CCDC192: variants seen among roughly 807,000 people sequenced by gnomAD.
CCDC192 encodes coiled-coil domain containing 192, also known as coiled-coil domain-containing protein 192.
At chr5:127,924,841 A>G (rs914230625) in intron 6 of CCDC192, among the ~76,000 whole-genome samples, 6 of 152,186 alleles carry the variant, frequency 3.9e-5, no homozygotes, top group African/African-American at 1.4e-4. Context: ...TAGTAAAATG[A>G]CATGGAGTAG....
At chr5:127,930,966 C>T (rs1040065511) in intron 6 of CCDC192, among the ~76,000 whole-genome samples, 1 of 152,238 alleles carries the variant, frequency 6.6e-6, no homozygotes, top group Non-Finnish European at 1.5e-5. Flanking sequence ...CCTGTGCTAG[C>T]AAAGATGTGT....
chr5:127,901,872 T>C (rs1005875913), intron 6 of CCDC192, among the ~76,000 whole-genome samples: 4 of 152,280 alleles, frequency 2.6e-5, no homozygotes, highest in African/African-American at 7.2e-5. Context: ...TAAGATCTTT[T>C]AAATTTCAGT....
At chr5:127,848,078 AT>A (rs199865594) in intron 5 of CCDC192, among the ~76,000 whole-genome samples, 3 of 149,222 alleles carry the variant, frequency 2.0e-5, no homozygotes, top group Admixed American at 6.7e-5. Flanking sequence ...GATTACAGTG[AT>A]TTTTTTTTTA....
chr5:127,881,432 TC>T (rs1245979307), intron 6 of CCDC192, among the ~76,000 whole-genome samples: 1 of 152,250 alleles, frequency 6.6e-6, no homozygotes, highest in Non-Finnish European at 1.5e-5. Flanking sequence ...GTGTGATTTT[TC>T]CTTGCTTGGT....
intron 5 of CCDC192, among the ~76,000 whole-genome samples, chr5:127,831,892 C>A (rs1394391165): frequency 6.6e-6 from 1 of 151,336 alleles, no homozygotes; most frequent in African/African-American, 2.4e-5. Context: ...CAAGGAAAAT[C>A]AAAACATTAA....
At chr5:127,819,257 A>G (rs1296639716) in intron 5 of CCDC192, among the ~76,000 whole-genome samples, 3 of 152,156 alleles carry the variant, frequency 2.0e-5, no homozygotes, top group African/African-American at 7.2e-5. Context: ...ACTTTCCCTC[A>G]AGAGATGCCT....
At chr5:127,764,282 T>C (rs1755090131) in intron 3 of CCDC192, among the ~76,000 whole-genome samples, 1 of 152,172 alleles carries the variant, frequency 6.6e-6, no homozygotes, top group African/African-American at 2.4e-5. Context: ...TAGGCTCTTA[T>C]AAAAATCCAG....
chr5:127,761,607 C>A (rs1474907667), intron 3 of CCDC192, among the ~76,000 whole-genome samples: 4 of 152,060 alleles, frequency 2.6e-5, no homozygotes, highest in Non-Finnish European at 5.9e-5. Flanking sequence ...AACAATAAAA[C>A]CTAAGGCCAA....
chr5:127,915,070 G>A (rs1753480799), intron 6 of CCDC192, among the ~76,000 whole-genome samples: 2 of 152,088 alleles, frequency 1.3e-5, no homozygotes, highest in South Asian at 4.1e-4. Context: ...ATAACTCAGA[G>A]ATATTGCAGG....
At position 127,834,096 on chromosome 5, in the gene CCDC192, C is replaced by T. The variant is rs1190466142; in HGVS notation, c.411+35934C>T. On this transcript the variant is annotated intron_variant, in intron 5 of 6. Coordinates refer to ENST00000514853, the MANE Select transcript of CCDC192 (RefSeq NM_001317938.2). ...CAGGACATAAATTGGTAAAGGTGTTCTTACTCCCCTCTCTGCCCAAATAAC... is the reference window on the plus strand; with the variant it reads ...CAGGACATAAATTGGTAAAGGTGTTTTTACTCCCCTCTCTGCCCAAATAAC... Among the ~76,000 whole-genome samples, 5 of 152,112 alleles carry T rather than the reference C, an allele frequency of 3.3e-5. No homozygotes were observed. The East Asian group carries it at 9.6e-4, about 29-fold the overall frequency.
chr5:127,939,110 C>T (rs199855960), intron 6 of CCDC192, among the ~76,000 whole-genome samples: 11 of 83,650 alleles, frequency 1.3e-4, no homozygotes, highest in African/African-American at 2.2e-4. Context: ...AAACCAACAT[C>T]TTTTTTTTTT....
At chr5:127,720,715 C>T (rs547597292) in intron 2 of CCDC192, among the ~76,000 whole-genome samples, 114 of 152,362 alleles carry the variant, frequency 7.5e-4, no homozygotes, top group African/African-American at 2.6e-3. Context: ...TCCATACATT[C>T]CTTGAAATCT....
At chr5:127,857,456 T>C (rs1751149404) in intron 5 of CCDC192, among the ~76,000 whole-genome samples, 1 of 152,224 alleles carries the variant, frequency 6.6e-6, no homozygotes, top group African/African-American at 2.4e-5. Context: ...TACCTGGTGT[T>C]CCTGGATTCA....
chr5:127,911,506 A>G (rs2127177044), intron 6 of CCDC192, among the ~76,000 whole-genome samples: 1 of 152,274 alleles, frequency 6.6e-6, no homozygotes, highest in East Asian at 1.9e-4. Flanking sequence ...CATGTATTAT[A>G]TTCTTCTCAG....
At chr5:127,752,588 G>A (rs1754264508) in intron 2 of CCDC192, among the ~76,000 whole-genome samples, 2 of 151,930 alleles carry the variant, frequency 1.3e-5, no homozygotes, top group African/African-American at 4.8e-5. Context: ...CCTGCCCCCA[G>A]AGGTGGAGCC....
intron 3 of CCDC192, among the ~76,000 whole-genome samples, chr5:127,768,416 A>G (rs771016160): frequency 1.7e-4 from 26 of 152,210 alleles, no homozygotes; most frequent in Non-Finnish European, 3.2e-4. Context: ...TTCTGCAAGC[A>G]AATGAATGCC....
At chr5:127,844,632 G>T (rs1442678508) in intron 5 of CCDC192, among the ~76,000 whole-genome samples, 4 of 152,178 alleles carry the variant, frequency 2.6e-5, no homozygotes, top group African/African-American at 9.7e-5. Flanking sequence ...AGAGACAAAG[G>T]GTGAGGAGAC....
intron 6 of CCDC192, among the ~76,000 whole-genome samples, chr5:127,915,757 G>A (rs535375491): frequency 6.6e-6 from 1 of 152,008 alleles, no homozygotes; most frequent in Non-Finnish European, 1.5e-5. Context: ...GCTATTGTTA[G>A]TGTATTTTAT....
chr5:127,808,315 C>G (rs1387938765), intron 5 of CCDC192, among the ~76,000 whole-genome samples: 1 of 151,954 alleles, frequency 6.6e-6, no homozygotes, highest in Non-Finnish European at 1.5e-5. Context: ...TGGCTTCTCA[C>G]TTAGTATATC....
Sources: gnomAD v4.1 joint callset for allele counts (sites outside exome capture counted in the v4.1 genomes callset) on GRCh38, gnomAD v4.1.1 for gene constraint, MANE v1.5 for transcripts, NCBI Gene and HGNC (gene_info 2026-07-23, HGNC 2026-07-21) for gene names.